Variants in MAPKAP1 observed in about 807,000 individuals in gnomAD.
MAPKAP1 encodes the protein target of rapamycin complex 2 subunit MAPKAP1.
MAPKAP1 carries 20 observed loss-of-function variants against 65.7 expected under a neutral mutation model. The observed-to-expected ratio is 0.30, with a 90% confidence interval of 0.21 to 0.44. The LOEUF is 0.44. Among genes scored for constraint, MAPKAP1 ranks in the 20% least tolerant of loss-of-function variants. MAPKAP1 has a pLI of 1.00. For synonymous variants in MAPKAP1, 222 were observed against 244.3 expected, an observed-to-expected ratio of 0.91 and a Z score of 0.85; for missense variants, 423 against 648.0, an observed-to-expected ratio of 0.65 and a Z score of 3.77.
At chr9:125,579,635 C>A (rs912536393) in intron 5 of MAPKAP1, among the ~76,000 whole-genome samples, 3 of 152,202 alleles carry the variant, frequency 2.0e-5, no homozygotes, top group African/African-American at 7.2e-5. Flanking sequence ...AACCAGGCTG[C>A]AACTGGTGGG....
chr9:125,464,204 TAA>T (rs57497941), intron 10 of MAPKAP1, among the ~76,000 whole-genome samples: 4,860 of 83,096 alleles, frequency 0.058, 532 homozygotes, highest in African/African-American at 0.2. Context: ...TCTCATATAT[TAA>T]AAAAAAAAAA....
At chr9:125,566,001 C>T (rs920526238) in intron 5 of MAPKAP1, among the ~76,000 whole-genome samples, 2 of 152,228 alleles carry the variant, frequency 1.3e-5, no homozygotes, top group Admixed American at 6.5e-5. Flanking sequence ...AATACATCAG[C>T]AGGTTGAGAA....
chr9:125,612,167 A>C (rs1832619711), intron 4 of MAPKAP1, among the ~76,000 whole-genome samples: 1 of 152,208 alleles, frequency 6.6e-6, no homozygotes, highest in Non-Finnish European at 1.5e-5. Context: ...GCGCTCAAAA[A>C]GTTTTAGATT....
chr9:125,589,361 C>T lies in MAPKAP1; in HGVS notation c.499-3634G>A, dbSNP rs187340000. 3.7e-4 allele frequency among the ~76,000 whole-genome samples: 57 copies of T among 152,290 alleles called. 1 individual carries two copies. In the East Asian group the frequency reaches 8.7e-3, roughly 23 times the overall value. The stretch of plus-strand genomic sequence containing the variant: ...TGAACTTCCTTGAGAGCAATGTTAA[C>T]GTCTGCTTTGTTTACTGTTCCATAC... On this transcript the variant is annotated intron_variant, in intron 4 of 11. Coordinates refer to ENST00000265960, the MANE Select transcript of MAPKAP1 (RefSeq NM_001006617.3).
intron 4 of MAPKAP1, among the ~76,000 whole-genome samples, chr9:125,610,494 A>T (rs560736288): frequency 6.6e-6 from 1 of 152,328 alleles, no homozygotes; most frequent in African/African-American, 2.4e-5. Context: ...AGGTGACATG[A>T]AGTGTCAGTT....
At chr9:125,584,550 C>CT (rs1831722484) in intron 5 of MAPKAP1, among the ~76,000 whole-genome samples, 1 of 152,048 alleles carries the variant, frequency 6.6e-6, no homozygotes, top group Non-Finnish European at 1.5e-5. Flanking sequence ...CCTCAGCCTC[C>CT]TGAGTAGCTG....
At position 125,453,792 on chromosome 9, in the gene MAPKAP1, G is replaced by GA. The variant is rs564192396; in HGVS notation, c.1346-9195dup. Among the ~76,000 whole-genome samples the GA allele has an allele frequency of 1.6e-3, 242 of 151,730 alleles. 1 individual carries two copies. Among genetic ancestry groups the GA allele is most frequent in the Non-Finnish European group, 2.9e-3 (198 of 67,872 alleles). On this transcript the variant is annotated intron_variant, in intron 10 of 11. Coordinates refer to ENST00000265960, the MANE Select transcript of MAPKAP1 (RefSeq NM_001006617.3). Reference sequence around the variant, plus strand: ...TTGACATATTTCATTTGACAATATCGAAAAAAAATCACTTTCATTAATATC... The same window carrying GA: ...TTGACATATTTCATTTGACAATATCGAAAAAAAAATCACTTTCATTAATATC...
intron 1 of MAPKAP1, among the ~76,000 whole-genome samples, chr9:125,681,633 C>T (rs1192119355): frequency 1.3e-5 from 2 of 152,360 alleles, no homozygotes; most frequent in East Asian, 3.9e-4. Flanking sequence ...TCCACGGACA[C>T]ACCTGAAGGG....
At chr9:125,695,342 A>G (rs1390178097) in intron 1 of MAPKAP1, among the ~76,000 whole-genome samples, 1 of 152,178 alleles carries the variant, frequency 6.6e-6, no homozygotes. Context: ...CTAATTAACA[A>G]CCTAATTAGG....
chr9:125,652,901 T>C (rs2131741220), intron 4 of MAPKAP1, among the ~76,000 whole-genome samples: 1 of 152,330 alleles, frequency 6.6e-6, no homozygotes, highest in African/African-American at 2.4e-5. Flanking sequence ...TTTACGACAC[T>C]ATTCTAAAAT....
intron 5 of MAPKAP1, among the ~76,000 whole-genome samples, chr9:125,572,286 G>A (rs1354419366): frequency 6.6e-6 from 1 of 152,004 alleles, no homozygotes; most frequent in Non-Finnish European, 1.5e-5. Flanking sequence ...GGTATTTGAG[G>A]GTACAAAACC....
At chr9:125,577,151 G>A (rs1831436596) in intron 5 of MAPKAP1, among the ~76,000 whole-genome samples, 1 of 151,108 alleles carries the variant, frequency 6.6e-6, no homozygotes, top group South Asian at 2.1e-4. Flanking sequence ...CTGAGATGTG[G>A]GGAGCGCCTC....
At chr9:125,452,913 A>C (rs1175235941) in intron 10 of MAPKAP1, among the ~76,000 whole-genome samples, 1 of 152,166 alleles carries the variant, frequency 6.6e-6, no homozygotes, top group Non-Finnish European at 1.5e-5. Context: ...AACAAACAAA[A>C]AAAGAAAATA....
At chr9:125,599,369 C>T (rs528905596) in intron 4 of MAPKAP1, among the ~76,000 whole-genome samples, 64 of 152,160 alleles carry the variant, frequency 4.2e-4, no homozygotes, top group Non-Finnish European at 8.2e-4. Flanking sequence ...CACTGAGGTG[C>T]AATCTCTCTG....
rs901668078 is a variant in MAPKAP1 at position 125,696,413 on chromosome 9, A to G, written c.-70+10558T>C. 14 of 146,978 alleles carry G rather than the reference A, an allele frequency of 9.5e-5. No homozygotes were observed. In the East Asian group the frequency reaches 1.0e-3, roughly 11 times the overall value. 9.1% of individuals were successfully genotyped at this position (146,978 alleles called of 1,614,324 possible). On this transcript the variant is annotated intron_variant, in intron 1 of 11. Transcript: ENST00000265960. ...TCAATAGAGCAAGAACCCTGTCTCG[A>G]AAAAAAAACAAAAAAAAAACAAAAA...
chr9:125,660,290 G>A (rs1834145959), intron 3 of MAPKAP1, among the ~76,000 whole-genome samples: 1 of 152,082 alleles, frequency 6.6e-6, no homozygotes, highest in African/African-American at 2.4e-5. Context: ...GACTAAAAAG[G>A]GGCACGAGGG....
At chr9:125,657,603 A>G (rs761773588) in intron 4 of MAPKAP1, 48 bp downstream of exon 4, 5 of 1,491,098 alleles carry the variant, frequency 3.4e-6, no homozygotes, top group Non-Finnish European at 4.6e-6. Context: ...CAACAACTCC[A>G]CTCAATTACA....
chr9:125,598,869 G>A (rs1416394966), intron 4 of MAPKAP1, among the ~76,000 whole-genome samples: 4 of 151,854 alleles, frequency 2.6e-5, no homozygotes, highest in African/African-American at 4.8e-5. Flanking sequence ...GCAAAACCCC[G>A]TCTCTACTAA....
chr9:125,439,055 C>G lies in MAPKAP1; in HGVS notation c.1444-43G>C. 1 of 1,605,386 alleles carries G rather than the reference C, an allele frequency of 6.2e-7. No individual in the cohort carries two copies. The highest frequency in any genetic ancestry group is 8.5e-7 in the Non-Finnish European group (1 of 1,175,690). On this transcript the variant is annotated intron_variant, in intron 11 of 11. Transcript: ENST00000265960. This position sits in a 1 kb window ranked among gnomAD's most constrained non-coding sequence, Gnocchi z 4.0. The stretch of plus-strand genomic sequence containing the variant: ...CAGCCCGGTCACCTTGCCAGCCGCT[C>G]CCTACCCACCCAGGGCATCGGAGGG...
Sources: gnomAD v4.1 joint callset for allele counts (sites outside exome capture counted in the v4.1 genomes callset) on GRCh38, gnomAD v4.1.1 for gene constraint, Gnocchi (gnomAD v3.1) non-coding constraint, MANE v1.5 for transcripts, NCBI Gene and HGNC (gene_info 2026-07-23, HGNC 2026-07-21) for gene names.